Variants in EPB41L2 observed in about 807,000 individuals in gnomAD.
EPB41L2 encodes erythrocyte membrane protein band 4.1 like 2, also known as band 4.1-like protein 2.
Under a neutral mutation model 113.0 loss-of-function variants are expected in EPB41L2, and 43 were observed. The observed-to-expected ratio is 0.38, with a 90% confidence interval of 0.30 to 0.49. The LOEUF (loss-of-function observed/expected upper bound fraction) is 0.49, where lower values mean the gene tolerates loss of function less well. Among genes scored for constraint, EPB41L2 ranks in the 20% least tolerant of loss-of-function variants. EPB41L2 has a pLI of 0.95. For missense variants in EPB41L2, 1,147 were observed against 1,223.4 expected, an observed-to-expected ratio of 0.94 and a Z score of 0.93; for synonymous variants, 442 against 436.7, an observed-to-expected ratio of 1.01 and a Z score of -0.15.
At chr6:130,878,453 C>T (rs113439484) in intron 13 of EPB41L2, 9 of 507,488 alleles carry the variant, frequency 1.8e-5, no homozygotes, top group African/African-American at 1.6e-4. Flanking sequence ...AAAATAAAGT[C>T]AATGCGTACT....
intron 1 of EPB41L2, among the ~76,000 whole-genome samples, chr6:131,005,153 C>T (rs116369043): frequency 2.0e-5 from 3 of 151,232 alleles, no homozygotes; most frequent in Admixed American, 6.6e-5. Flanking sequence ...ATTCCCAAGA[C>T]GGTGCTTACT....
At chr6:130,970,700 T>G (rs1584112056) in intron 1 of EPB41L2, among the ~76,000 whole-genome samples, 2 of 152,320 alleles carry the variant, frequency 1.3e-5, no homozygotes, top group East Asian at 3.9e-4. Flanking sequence ...TTTGTCATTT[T>G]AATTCATCCC....
intron 1 of EPB41L2, among the ~76,000 whole-genome samples, chr6:131,041,265 T>C (rs570245882): frequency 6.0e-4 from 91 of 152,280 alleles, no homozygotes; most frequent in African/African-American, 2.0e-3. Flanking sequence ...GTTTCATAAT[T>C]TAAATTACTT....
chr6:130,920,046 AT>A lies in EPB41L2; in HGVS notation c.810+6558del, dbSNP rs1423198726. ...AGACTCAGGATGACATAACATCTTT[AT>A]TCAAGACTAATCCTCTTCATGACTT... On this transcript the variant is annotated intron_variant, in intron 4 of 19. Transcript: ENST00000337057. 4.6e-5 allele frequency among the ~76,000 whole-genome samples: 7 copies of A among 152,170 alleles called. No individual in the cohort carries two copies. The Middle Eastern group carries it at 0.01, about 222-fold the overall frequency.
intron 1 of EPB41L2, among the ~76,000 whole-genome samples, chr6:130,991,539 G>T (rs1781868332): frequency 6.6e-6 from 1 of 152,136 alleles, no homozygotes; most frequent in Non-Finnish European, 1.5e-5. Context: ...ACAGTATTTT[G>T]TTCCTTCACA....
In EPB41L2 at chr6:130,895,136, A is replaced by G. The variant is rs779781842; in HGVS notation, c.1237-17T>C. 6.3e-6 allele frequency: 10 copies of G among 1,593,214 alleles called. No individual in the cohort carries two copies. Among genetic ancestry groups the G allele is most frequent in the Non-Finnish European group, 8.6e-6 (10 of 1,168,590 alleles). ...TTCTGAGTCCTGCCAAGCATAACCC[A>G]ATTAACCATGGTTAAGAGCTGTGAA... On this transcript the variant is annotated splice_polypyrimidine_tract_variant and intron_variant, in intron 8 of 19. Coordinates refer to ENST00000337057, the MANE Select transcript of EPB41L2 (RefSeq NM_001431.4).
At chr6:131,052,874 T>C (rs1236289726) in intron 1 of EPB41L2, among the ~76,000 whole-genome samples, 2 of 151,958 alleles carry the variant, frequency 1.3e-5, no homozygotes, top group Non-Finnish European at 2.9e-5. Flanking sequence ...AAACATCAAT[T>C]TGAACAACTA....
intron 11 of EPB41L2, among the ~76,000 whole-genome samples, chr6:130,885,771 A>G (rs1018680738): frequency 2.0e-5 from 3 of 152,356 alleles, no homozygotes; most frequent in South Asian, 2.1e-4. Context: ...AGTAAATAAA[A>G]GACAGTAAAG....
chr6:131,037,585 ATT>A (rs10685424), intron 1 of EPB41L2, among the ~76,000 whole-genome samples: 7 of 122,674 alleles, frequency 5.7e-5, no homozygotes, highest in Non-Finnish European at 8.1e-5. Flanking sequence ...AAAACCTAAA[ATT>A]TTTTTTTTTT....
intron 1 of EPB41L2, among the ~76,000 whole-genome samples, chr6:130,990,370 A>T (rs558200517): frequency 1.3e-5 from 2 of 152,146 alleles, no homozygotes; most frequent in Non-Finnish European, 2.9e-5. Flanking sequence ...AGAGAAAAAC[A>T]TATCTAGAGG....
At chr6:130,942,382 T>C (rs1447805404) in intron 3 of EPB41L2, among the ~76,000 whole-genome samples, 1 of 152,124 alleles carries the variant, frequency 6.6e-6, no homozygotes, top group Admixed American at 6.5e-5. Flanking sequence ...AAACAAAAAC[T>C]ATGTCAGTAA....
At chr6:130,894,194 G>GA (rs2128485882) in intron 10 of EPB41L2, 150 bp downstream of exon 10, 1 of 626,870 alleles carries the variant, frequency 1.6e-6, no homozygotes. Flanking sequence ...TTCTTTCTTA[G>GA]AAAAAAAGAG....
intron 1 of EPB41L2, among the ~76,000 whole-genome samples, chr6:130,990,446 G>A (rs533813881): frequency 1.3e-5 from 2 of 152,148 alleles, no homozygotes; most frequent in South Asian, 2.1e-4. Flanking sequence ...TAGCAAGATG[G>A]TACTCAAATA....
chr6:130,995,473 C>T (rs1782877617), intron 1 of EPB41L2, among the ~76,000 whole-genome samples: 1 of 152,208 alleles, frequency 6.6e-6, no homozygotes, highest in South Asian at 2.1e-4. Context: ...ACCACTCCAG[C>T]CTGGGTGACA....
intron 6 of EPB41L2, 47 bp downstream of exon 6, chr6:130,904,418 C>G: frequency 7.5e-7 from 1 of 1,332,064 alleles, no homozygotes; most frequent in East Asian, 2.4e-5. Context: ...CAAAAATAAA[C>G]GAGAGCTGTA....
chr6:131,015,195 C>T (rs985920043), intron 1 of EPB41L2: 9 of 152,148 alleles, frequency 5.9e-5, no homozygotes, highest in Admixed American at 5.9e-4. Context: ...TTATCAGCAT[C>T]ATCAAAGTAC....
rs574325586 is a variant in EPB41L2, at chr6:130,994,976, C to A, written c.-14-38477G>T. On this transcript the variant is annotated intron_variant, in intron 1 of 19. Coordinates refer to ENST00000337057, the MANE Select transcript of EPB41L2 (RefSeq NM_001431.4). Reference sequence around the variant, plus strand: ...CTTTGCTTCAAGTTGTCCCACCCCACCTTTCCAGACAGAACCTATATTCAT... The same window carrying A: ...CTTTGCTTCAAGTTGTCCCACCCCAACTTTCCAGACAGAACCTATATTCAT... Among the ~76,000 whole-genome samples the A allele has an allele frequency of 5.3e-5, 8 of 152,302 alleles. No individual in the cohort carries two copies. The East Asian group carries it at 1.5e-3, about 29-fold the overall frequency.
At chr6:130,931,854 AGT>A (rs1394321439) in intron 3 of EPB41L2, among the ~76,000 whole-genome samples, 1 of 152,084 alleles carries the variant, frequency 6.6e-6, no homozygotes, top group Non-Finnish European at 1.5e-5. Flanking sequence ...ACGGAAGAAA[AGT>A]ACTGCAGTAT....
intron 3 of EPB41L2, among the ~76,000 whole-genome samples, chr6:130,951,312 C>CTTTTTTTTTTTTTTTTT (rs34082234): frequency 3.9e-5 from 2 of 50,846 alleles, no homozygotes; most frequent in Non-Finnish European, 6.2e-5. Context: ...AGCCTCAGTA[C>CTTTTTTTTTTTTTTTTT]TTTTTTTTTT....
Sources: allele counts gnomAD v4.1 joint callset (sites outside exome capture counted in the v4.1 genomes callset), GRCh38; gene constraint gnomAD v4.1.1; transcripts MANE v1.5; gene names NCBI Gene and HGNC (gene_info 2026-07-23, HGNC 2026-07-21).